DYNC2H1: variants seen among roughly 807,000 people sequenced by gnomAD.
The protein encoded by DYNC2H1 is dynein cytoplasmic 2 heavy chain 1, also known as cytoplasmic dynein 2 heavy chain 1.
Under a neutral mutation model 570.0 loss-of-function variants are expected in DYNC2H1, and 410 were observed. The ratio of observed to expected loss-of-function variants is 0.72; its 90% confidence interval spans 0.66 to 0.78. The LOEUF is 0.78. Among genes scored for constraint, DYNC2H1 ranks in the 30% least tolerant of loss-of-function variants. The pLI, the probability that DYNC2H1 is intolerant of heterozygous loss-of-function variation, is 0.00. For synonymous variants in DYNC2H1, 1,688 were observed against 1,677.6 expected (o/e 1.01, Z -0.15); for missense variants, 4,865 against 5,046.4 (o/e 0.96, Z 1.09).
In DYNC2H1 at chr11:103,479,076, C is replaced by A; in HGVS notation, c.12766-19C>A. The A allele has an allele frequency of 6.2e-7, 1 of 1,611,872 alleles. No individual in the cohort carries two copies. Among genetic ancestry groups the A allele is most frequent in the Non-Finnish European group, 8.5e-7 (1 of 1,178,698 alleles). On this transcript the variant is annotated intron_variant, in intron 88 of 88. Transcript: ENST00000375735. ...AATAGTGTATTGCTTTATTTTAAAA[C>A]AAGTTATTTTTTAAACAGGATGCAT...
intron 83 of DYNC2H1, among the ~76,000 whole-genome samples, chr11:103,362,330 TTTC>T (rs869204079): frequency 0.096 from 2,910 of 30,252 alleles, 139 homozygotes; most frequent in Non-Finnish European, 0.17. Flanking sequence ...CTTTTTTTTT[TTTC>T]TTTTTTTTTT....
At position 103,417,990 on chromosome 11, in the gene DYNC2H1, TA is replaced by T. The variant is rs58195879; in HGVS notation, c.12367-17938del. ...GAAAAATTTAACAGCTAGTCGTGAT[TA>T]AAAAAAAAAAAAAACTTTAGCAAAC... On this transcript the variant is annotated intron_variant, in intron 84 of 88. Coordinates refer to ENST00000375735, the MANE Select transcript of DYNC2H1 (RefSeq NM_001377.3). Among the ~76,000 whole-genome samples the T allele has an allele frequency of 3.6e-3, 492 of 135,588 alleles. 1 individual carries two copies. Among genetic ancestry groups the T allele is most frequent in the Middle Eastern group, 0.014 (4 of 278 alleles). 89.0% of individuals were successfully genotyped at this position (135,588 alleles called of 152,430 possible). A position where few individuals can be genotyped will look rare whatever the true frequency, so the allele number is the denominator to read the frequency against.
At chr11:103,375,597 C>G (rs1278159974) in intron 83 of DYNC2H1, among the ~76,000 whole-genome samples, 2 of 152,234 alleles carry the variant, frequency 1.3e-5, no homozygotes, top group East Asian at 1.9e-4. Flanking sequence ...AGATTTGAGA[C>G]ATGGAGTCAA....
chr11:103,460,436 A>G (rs1398464927), intron 87 of DYNC2H1, among the ~76,000 whole-genome samples: 1 of 140,634 alleles, frequency 7.1e-6, no homozygotes, highest in Non-Finnish European at 1.5e-5. Flanking sequence ...GTGCACAACC[A>G]GAAAATCCCA....
At chr11:103,406,511 G>C (rs1002956960) in intron 84 of DYNC2H1, 1 of 151,918 alleles carries the variant, frequency 6.6e-6, no homozygotes. Flanking sequence ...AGGGATAATA[G>C]AATTAGTGGG....
chr11:103,438,591 T>C (rs879329367), intron 85 of DYNC2H1, among the ~76,000 whole-genome samples: 7 of 152,098 alleles, frequency 4.6e-5, no homozygotes, highest in Non-Finnish European at 1.0e-4. Context: ...GCATAGTTTA[T>C]GGGAAAAGAG....
chr11:103,192,101 C>T lies in DYNC2H1; in HGVS notation c.7545C>T (p.Ser2515=). 2 of 1,496,460 alleles carry T rather than the reference C, an allele frequency of 1.3e-6. No individual in the cohort carries two copies. Among genetic ancestry groups the T allele is most frequent in the Non-Finnish European group, 1.8e-6 (2 of 1,113,734 alleles). 92.7% of individuals were successfully genotyped at this position (1,496,460 alleles called of 1,614,324 possible). ...GLFRYDLEGG[S]SNHPLDYVLE... ...ATAAAATTTTGCCTTTTCTAGGATC[C>T]TCAAACCATCCACTAGATTATGTGT... is the stretch of plus-strand genomic sequence containing the variant. The change falls in exon 47 of 89, where the codon TCC becomes TCT. Residue 2515 remains serine (S), a synonymous_variant. Transcript: ENST00000375735.
intron 70 of DYNC2H1, among the ~76,000 whole-genome samples, chr11:103,260,207 C>A (rs753259106): frequency 4.6e-5 from 7 of 152,214 alleles, no homozygotes; most frequent in South Asian, 4.2e-4. Context: ...TGACTTAGTT[C>A]TAAATATTCC....
chr11:103,381,762 C>T lies in DYNC2H1; in HGVS notation c.12157-17901C>T, dbSNP rs962931947. Among the ~76,000 whole-genome samples, 24 of 152,234 alleles carry T rather than the reference C, an allele frequency of 1.6e-4. 1 individual carries two copies. Among genetic ancestry groups the T allele is most frequent in the South Asian group, 4.1e-4 (2 of 4,822 alleles). Reference sequence around the variant, plus strand: ...ATGCCCAATCTTTTATTAATTTAGACGCTAATGCTTGAAGATTAAGACTGT... The same window carrying T: ...ATGCCCAATCTTTTATTAATTTAGATGCTAATGCTTGAAGATTAAGACTGT... On this transcript the variant is annotated intron_variant, in intron 83 of 88. Coordinates refer to ENST00000375735, the MANE Select transcript of DYNC2H1 (RefSeq NM_001377.3).
chr11:103,319,128 T>A lies in DYNC2H1; in HGVS notation c.11726-1901T>A, dbSNP rs1938029788. On this transcript the variant is annotated intron_variant, in intron 80 of 88. Transcript: ENST00000375735. The surrounding 1 kb of genome is among the most constrained non-coding windows in gnomAD (Gnocchi z 4.3). ...ACAAAAGAGAAAAGCAAAACAGAAT[T>A]TGAATGATGTATCATTGTGTTTCAC... Among the ~76,000 whole-genome samples the A allele has an allele frequency of 6.6e-6, 1 of 152,164 alleles. No homozygotes were observed. The highest frequency in any genetic ancestry group is 1.5e-5 in the Non-Finnish European group (1 of 67,984).
In DYNC2H1 at chr11:103,280,877, A is replaced by G. The variant is rs1006034725; in HGVS notation, c.10761+464A>G. Among the ~76,000 whole-genome samples the G allele has an allele frequency of 2.0e-5, 3 of 151,964 alleles. No homozygotes were observed. Among genetic ancestry groups the G allele is most frequent in the African/African-American group, 7.2e-5 (3 of 41,404 alleles). ...GTTTATGTTAATTTTTTTATGTATAATTTGTCTTCCTTGTTTATGATCTCA... is the reference window on the plus strand; with the variant it reads ...GTTTATGTTAATTTTTTTATGTATAGTTTGTCTTCCTTGTTTATGATCTCA... On this transcript the variant is annotated intron_variant, in intron 71 of 88. Transcript: ENST00000375735. The surrounding 1 kb of genome is among the most constrained non-coding windows in gnomAD (Gnocchi z 4.7).
rs780749779 is a variant in DYNC2H1, at chr11:103,439,733, C to A, written c.12456+3701C>A. Among the ~76,000 whole-genome samples the A allele has an allele frequency of 4.0e-5, 6 of 151,562 alleles. No individual in the cohort carries two copies. Among genetic ancestry groups the A allele is most frequent in the Non-Finnish European group, 8.8e-5 (6 of 67,874 alleles). On this transcript the variant is annotated intron_variant, in intron 85 of 88. Coordinates refer to ENST00000375735, the MANE Select transcript of DYNC2H1 (RefSeq NM_001377.3). This position sits in a 1 kb window ranked among gnomAD's most constrained non-coding sequence, Gnocchi z 4.1. ...CTGTAAGATCCTTTAGAGCAAAGAT[C>A]TTAAAAAAAAAATTCCACTATATTT...
At chr11:103,321,386 T>G in intron 81 of DYNC2H1, 149 bp downstream of exon 81, 1 of 941,752 alleles carries the variant, frequency 1.1e-6, no homozygotes, top group Non-Finnish European at 1.6e-6. Flanking sequence ...GCTTGATTCT[T>G]TCAACTTTAG....
chr11:103,272,085 A>G (rs957936387), intron 70 of DYNC2H1, among the ~76,000 whole-genome samples: 4 of 152,238 alleles, frequency 2.6e-5, no homozygotes, highest in African/African-American at 9.6e-5. Context: ...ATATACCCAA[A>G]GAATTATAAA....
At chr11:103,196,276 G>T (rs1862504255) in intron 47 of DYNC2H1, among the ~76,000 whole-genome samples, 1 of 152,124 alleles carries the variant, frequency 6.6e-6, no homozygotes, top group Non-Finnish European at 1.5e-5. Context: ...ATGATGAGAT[G>T]TGAGGATAAT....
intron 85 of DYNC2H1, 109 bp downstream of exon 85, chr11:103,436,141 T>C: frequency 1.2e-6 from 1 of 802,050 alleles, no homozygotes; most frequent in Non-Finnish European, 1.9e-6. Flanking sequence ...ATTTTGCACA[T>C]AAAACATCAT....
chr11:103,408,724 G>T (rs1591703720), intron 84 of DYNC2H1, among the ~76,000 whole-genome samples: 1 of 151,938 alleles, frequency 6.6e-6, no homozygotes, highest in Non-Finnish European at 1.5e-5. Context: ...CTCTAGAATA[G>T]GATTACACTG....
intron 32 of DYNC2H1, among the ~76,000 whole-genome samples, chr11:103,169,230 A>C (rs1177364458): frequency 6.6e-6 from 1 of 152,146 alleles, no homozygotes; most frequent in East Asian, 1.9e-4. Context: ...ATACAATTTG[A>C]AATATATCTT....
chr11:103,110,121 T>C (rs1327620914), intron 1 of DYNC2H1, among the ~76,000 whole-genome samples: 4 of 152,130 alleles, frequency 2.6e-5, no homozygotes, highest in East Asian at 1.9e-4. Flanking sequence ...CTCCACCTCC[T>C]GAGTTCAAGC....
Sources: allele counts gnomAD v4.1 joint callset (sites outside exome capture counted in the v4.1 genomes callset), GRCh38; gene constraint gnomAD v4.1.1; non-coding constraint Gnocchi (gnomAD v3.1); transcripts MANE v1.5; gene names NCBI Gene and HGNC (gene_info 2026-07-23, HGNC 2026-07-21).